Variants in PCDH15 observed in about 807,000 individuals in gnomAD.
PCDH15 encodes protocadherin-15.
In PCDH15, 129 loss-of-function variants were observed where a neutral mutation model predicts 178.5. That is an observed-to-expected ratio of 0.72 (90% CI 0.63 to 0.84). The LOEUF (loss-of-function observed/expected upper bound fraction) is 0.84. PCDH15 is among the 40% of genes least tolerant of loss of function. PCDH15 has a pLI of 0.00. For synonymous variants in PCDH15, 800 were observed against 732.0 expected (o/e 1.09, Z -1.50); for missense variants, 2,230 against 2,099.9 (o/e 1.06, Z -1.21).
intron 1 of PCDH15, among the ~76,000 whole-genome samples, chr10:55,211,297 G>T (rs953517680): frequency 1.4e-4 from 21 of 152,016 alleles, no homozygotes; most frequent in Admixed American, 3.3e-4. Flanking sequence ...ATACAGAAAT[G>T]GAATTTAGAA....
chr10:53,861,114 A>G (rs1179552984), intron 27 of PCDH15, among the ~76,000 whole-genome samples: 1 of 152,118 alleles, frequency 6.6e-6, no homozygotes, highest in Non-Finnish European at 1.5e-5. Context: ...TCTACATCCT[A>G]ACTCTGGTTT....
chr10:54,343,328 T>C (rs931699534), intron 6 of PCDH15, among the ~76,000 whole-genome samples: 1 of 152,020 alleles, frequency 6.6e-6, no homozygotes. Context: ...ATAGTGATAA[T>C]TCCCCCTTCA....
intron 1 of PCDH15, among the ~76,000 whole-genome samples, chr10:54,737,719 G>A (rs576481190): frequency 6.6e-6 from 1 of 152,088 alleles, no homozygotes; most frequent in South Asian, 2.1e-4. Flanking sequence ...TTGAAGTTCT[G>A]AATCTATGGC....
chr10:53,956,234 A>T (rs1170082487), intron 23 of PCDH15, among the ~76,000 whole-genome samples: 1 of 152,148 alleles, frequency 6.6e-6, no homozygotes, highest in Non-Finnish European at 1.5e-5. Context: ...GCCAGAAATC[A>T]GTCAAACGGC....
At chr10:54,744,231 C>T (rs1039078593) in intron 1 of PCDH15, among the ~76,000 whole-genome samples, 2 of 152,020 alleles carry the variant, frequency 1.3e-5, no homozygotes, top group African/African-American at 4.8e-5. Flanking sequence ...AAAGTGGACC[C>T]ATCACTGGTT....
chr10:54,082,692 A>G (rs2094452164), intron 16 of PCDH15, among the ~76,000 whole-genome samples: 1 of 152,022 alleles, frequency 6.6e-6, no homozygotes, highest in Non-Finnish European at 1.5e-5. Context: ...TTGGCCATGG[A>G]TTCTTAGATA....
chr10:54,745,057 T>C (rs1320434047), intron 1 of PCDH15, among the ~76,000 whole-genome samples: 1 of 152,158 alleles, frequency 6.6e-6, no homozygotes, highest in Non-Finnish European at 1.5e-5. Flanking sequence ...GAATTATATT[T>C]TGAATTTAGA....
At chr10:54,613,535 A>G (rs1404175589) in intron 2 of PCDH15, among the ~76,000 whole-genome samples, 1 of 151,460 alleles carries the variant, frequency 6.6e-6, no homozygotes, top group Non-Finnish European at 1.5e-5. Flanking sequence ...TCACACACAT[A>G]CACATATGCA....
intron 13 of PCDH15, among the ~76,000 whole-genome samples, chr10:54,164,005 T>C (rs984935949): frequency 6.6e-6 from 1 of 152,170 alleles, no homozygotes; most frequent in Non-Finnish European, 1.5e-5. Context: ...ATCTTCTTCA[T>C]GGTACCTTTG....
intron 15 of PCDH15, among the ~76,000 whole-genome samples, chr10:54,127,045 A>G (rs1590653472): frequency 6.6e-6 from 1 of 152,154 alleles, no homozygotes; most frequent in Non-Finnish European, 1.5e-5. Context: ...TATTGTTTTC[A>G]CTACCACTCA....
chr10:54,722,443 A>G (rs1373859447), intron 1 of PCDH15, among the ~76,000 whole-genome samples: 2 of 151,748 alleles, frequency 1.3e-5, no homozygotes. Flanking sequence ...AATTCTGTTT[A>G]TCCACTCAAA....
intron 14 of PCDH15, among the ~76,000 whole-genome samples, chr10:54,142,848 T>A (rs1258619333): frequency 6.6e-6 from 1 of 152,190 alleles, no homozygotes; most frequent in Non-Finnish European, 1.5e-5. Flanking sequence ...GGCCTCATGC[T>A]ATCTTAAGTA....
chr10:54,070,095 C>T (rs1456425040), intron 17 of PCDH15, among the ~76,000 whole-genome samples: 1 of 152,166 alleles, frequency 6.6e-6, no homozygotes, highest in Admixed American at 6.5e-5. Flanking sequence ...TGAACACTTT[C>T]ATGTTCATTA....
At chr10:55,542,651 CTATATAGGTACATACAGACATAT>C (rs1841794424) in intron 2 of PCDH15, among the ~76,000 whole-genome samples, 1 of 127,820 alleles carries the variant, frequency 7.8e-6, no homozygotes. Flanking sequence ...ATGTATGTGT[CTATATAGGTACATACAGACATAT>C]GTATGTGTCT....
At chr10:54,475,127 A>G (rs1183053088) in intron 3 of PCDH15, among the ~76,000 whole-genome samples, 2 of 152,002 alleles carry the variant, frequency 1.3e-5, no homozygotes, top group Admixed American at 6.6e-5. Flanking sequence ...AGTATTTTAT[A>G]TAAGTGTAAT....
chr10:54,683,475 T>C (rs1403444147), intron 1 of PCDH15, among the ~76,000 whole-genome samples: 1 of 152,138 alleles, frequency 6.6e-6, no homozygotes, highest in East Asian at 1.9e-4. Context: ...TTTGAGGGGA[T>C]TCAAAATTGA....
chr10:55,442,149 T>C (rs1478528246), intron 2 of PCDH15, among the ~76,000 whole-genome samples: 1 of 151,910 alleles, frequency 6.6e-6, no homozygotes, highest in African/African-American at 2.4e-5. Flanking sequence ...AGGAAACTAA[T>C]AGGTACCTAA....
rs193041726 is a variant in PCDH15, at chr10:54,192,980, C to T, written c.1305+2703G>A. On this transcript the variant is annotated intron_variant, in intron 11 of 37. Transcript: ENST00000644397. ...GGGGGCACCTGATGAGTATGAAACTCACAATGTTATACAGCTATTACATGA... is the reference window on the plus strand; with the variant it reads ...GGGGGCACCTGATGAGTATGAAACTTACAATGTTATACAGCTATTACATGA... Among the ~76,000 whole-genome samples the T allele has an allele frequency of 7.2e-5, 11 of 152,246 alleles. No individual in the cohort carries two copies. In the East Asian group the frequency reaches 1.9e-3, roughly 27 times the overall value.
intron 2 of PCDH15, among the ~76,000 whole-genome samples, chr10:55,134,042 A>G (rs770451309): frequency 1.2e-4 from 18 of 152,180 alleles, no homozygotes; most frequent in Non-Finnish European, 1.5e-4. Context: ...CCTCCACTAT[A>G]TATCCTGCAA....
Sources: allele counts gnomAD v4.1 joint callset (sites outside exome capture counted in the v4.1 genomes callset), GRCh38; gene constraint gnomAD v4.1.1; transcripts MANE v1.5; gene names NCBI Gene and HGNC (gene_info 2026-07-23, HGNC 2026-07-21).